WDR72: variants seen among roughly 807,000 people sequenced by gnomAD.
WDR72 encodes WD repeat domain 72.
In WDR72, 120 loss-of-function variants were observed where a neutral mutation model predicts 124.2. That is an observed-to-expected ratio of 0.97 (90% confidence interval 0.83 to 1.12). The LOEUF is 1.12. Ranked by LOEUF, WDR72 falls within the 50% of genes most tolerant of loss-of-function variation. WDR72 has a pLI of 0.00. For synonymous variants in WDR72, 452 were observed against 441.7 expected, an observed-to-expected ratio of 1.02 and a Z score of -0.29; for missense variants, 1,387 against 1,278.8, an observed-to-expected ratio of 1.08 and a Z score of -1.29.
At chr15:53,743,891 C>T (rs911756914) in intron 1 of WDR72, among the ~76,000 whole-genome samples, 5 of 151,090 alleles carry the variant, frequency 3.3e-5, no homozygotes, top group African/African-American at 9.8e-5. Flanking sequence ...AGGAGAATGG[C>T]GTGAACCCGG....
At chr15:53,689,546 C>A (rs1595852356) in intron 13 of WDR72, among the ~76,000 whole-genome samples, 1 of 148,420 alleles carries the variant, frequency 6.7e-6, no homozygotes, top group African/African-American at 2.6e-5. Context: ...GAATGGCAAT[C>A]ATTAAAAAGT....
chr15:53,716,311 T>C (rs2017705710), intron 4 of WDR72, among the ~76,000 whole-genome samples: 1 of 152,214 alleles, frequency 6.6e-6, no homozygotes, highest in South Asian at 2.1e-4. Flanking sequence ...TTTTTACACA[T>C]GTACAAGTAT....
At chr15:53,571,068 C>T (rs1452064037) in intron 18 of WDR72, among the ~76,000 whole-genome samples, 1 of 152,038 alleles carries the variant, frequency 6.6e-6, no homozygotes. Context: ...CATGTTCTCA[C>T]TTGTAAGTGG....
At chr15:53,732,927 CA>C (rs2140612219) in intron 2 of WDR72, 69 bp downstream of exon 2, 2 of 1,575,740 alleles carry the variant, frequency 1.3e-6, no homozygotes, top group Admixed American at 1.7e-5. Context: ...ACTGTCATTG[CA>C]GATAGAAAAT....
chr15:53,736,628 G>A (rs1320706620), intron 1 of WDR72, among the ~76,000 whole-genome samples: 1 of 152,174 alleles, frequency 6.6e-6, no homozygotes, highest in Non-Finnish European at 1.5e-5. Flanking sequence ...ACTGAGGGGT[G>A]TTGAGCATCC....
At chr15:53,698,521 G>C (rs1048618326) in intron 13 of WDR72, among the ~76,000 whole-genome samples, 7 of 152,276 alleles carry the variant, frequency 4.6e-5, no homozygotes, top group Non-Finnish European at 8.8e-5. Context: ...ATCCTGATAG[G>C]AAGGCAGTAT....
At chr15:53,602,061 C>T (rs761063833) in intron 17 of WDR72, among the ~76,000 whole-genome samples, 6 of 152,024 alleles carry the variant, frequency 3.9e-5, no homozygotes, top group Non-Finnish European at 8.8e-5. Flanking sequence ...CACAGGACAC[C>T]TATTCTAAAA....
At chr15:53,575,124 G>C (rs1471170678) in intron 18 of WDR72, among the ~76,000 whole-genome samples, 1 of 151,200 alleles carries the variant, frequency 6.6e-6, no homozygotes, top group African/African-American at 2.4e-5. Context: ...ATTTCAAAAA[G>C]CAATGTAGTA....
At chr15:53,709,999 T>G (rs2140542663) in intron 9 of WDR72, among the ~76,000 whole-genome samples, 1 of 152,258 alleles carries the variant, frequency 6.6e-6, no homozygotes, top group East Asian at 1.9e-4. Context: ...GTCCAAAGGC[T>G]CAGGGAAAAG....
chr15:53,576,340 A>G (rs1399676561), intron 18 of WDR72, among the ~76,000 whole-genome samples: 1 of 152,174 alleles, frequency 6.6e-6, no homozygotes, highest in Non-Finnish European at 1.5e-5. Context: ...GACTGTCAGC[A>G]GTAAGATGAA....
intron 13 of WDR72, among the ~76,000 whole-genome samples, chr15:53,683,950 A>G (rs571524438): frequency 4.0e-4 from 61 of 152,224 alleles, no homozygotes; most frequent in African/African-American, 1.4e-3. Context: ...CCCATCAACA[A>G]TCTGGGGATG....
chr15:53,560,490 C>T (rs776931156), intron 18 of WDR72, among the ~76,000 whole-genome samples: 26 of 151,802 alleles, frequency 1.7e-4, no homozygotes, highest in Non-Finnish European at 2.7e-4. Flanking sequence ...TGGCGACCCA[C>T]CCCTTCCTTC....
chr15:53,617,242 T>C (rs1165558825), intron 14 of WDR72, among the ~76,000 whole-genome samples: 3 of 151,766 alleles, frequency 2.0e-5, no homozygotes, highest in Non-Finnish European at 4.4e-5. Flanking sequence ...TATCTCTATC[T>C]ACATTTGTAT....
chr15:53,706,369 T>TACAC (rs59759547), intron 9 of WDR72, among the ~76,000 whole-genome samples: 2 of 51,024 alleles, frequency 3.9e-5, no homozygotes, highest in African/African-American at 1.5e-4. Context: ...TATATATATA[T>TACAC]ATATATATAT....
chr15:53,623,127 T>C (rs990645364), intron 14 of WDR72, among the ~76,000 whole-genome samples: 1 of 152,180 alleles, frequency 6.6e-6, no homozygotes, highest in Non-Finnish European at 1.5e-5. Context: ...ATTTCTTAAT[T>C]AACTAACTCT....
intron 12 of WDR72, among the ~76,000 whole-genome samples, chr15:53,701,559 T>TCTCA (rs369568228): frequency 0.28 from 33,577 of 120,266 alleles, 5,984 homozygotes; most frequent in Middle Eastern, 0.44. Context: ...TCTCTCTCTC[T>TCTCA]CACACACACA....
chr15:53,706,362 A>ATATATGTGTGTG (rs1393732175), intron 9 of WDR72, among the ~76,000 whole-genome samples: 19 of 43,940 alleles, frequency 4.3e-4, no homozygotes, highest in African/African-American at 1.6e-3. Flanking sequence ...ATATATATAT[A>ATATATGTGTGTG]TATATATATA....
chr15:53,740,635 G>A (rs2018485797), intron 1 of WDR72, among the ~76,000 whole-genome samples: 1 of 152,132 alleles, frequency 6.6e-6, no homozygotes, highest in Non-Finnish European at 1.5e-5. Context: ...CTGAAATATG[G>A]GAATCATTTC....
chr15:53,745,694 C>G (rs949183541), intron 1 of WDR72, among the ~76,000 whole-genome samples: 2 of 152,046 alleles, frequency 1.3e-5, no homozygotes, highest in African/African-American at 4.8e-5. Flanking sequence ...ATCTGAAATT[C>G]AAATATAACT....
Sources: gnomAD v4.1 joint callset for allele counts (sites outside exome capture counted in the v4.1 genomes callset) on GRCh38, gnomAD v4.1.1 for gene constraint, MANE v1.5 for transcripts, NCBI Gene and HGNC (gene_info 2026-07-23, HGNC 2026-07-21) for gene names.